UGT2B7: variants seen among roughly 807,000 people sequenced by gnomAD.
The protein encoded by UGT2B7 is UDP glucuronosyltransferase family 2 member B7, also known as UDP-glucuronosyltransferase 2B7.
A neutral mutation model predicts 51.9 loss-of-function variants in UGT2B7; 51 were observed. The ratio of observed to expected loss-of-function variants is 0.98; its 90% CI spans 0.78 to 1.24. The LOEUF (loss-of-function observed/expected upper bound fraction) is 1.24. Among genes scored for constraint, UGT2B7 ranks in the 50% most tolerant of loss-of-function variants. The pLI is 0.00. For missense variants in UGT2B7, 727 were observed against 628.4 expected (o/e 1.16, Z -1.68); for synonymous variants, 225 against 211.6 (o/e 1.06, Z -0.55).
At chr4:69,053,166 C>T (rs568147106) in intron 1 of UGT2B7, among the ~76,000 whole-genome samples, 7 of 152,088 alleles carry the variant, frequency 4.6e-5, no homozygotes, top group African/African-American at 1.2e-4. Flanking sequence ...AATATGTCTT[C>T]AAGGTTTTAT....
In UGT2B7 at chr4:69,098,576, C is replaced by T. The variant is rs189169793; in HGVS notation, c.758C>T (p.Ala253Val). 1 of 1,610,674 alleles carries T rather than the reference C, an allele frequency of 6.2e-7. No individual in the cohort carries two copies. The highest frequency in any genetic ancestry group is 1.3e-5 in the African/African-American group (1 of 74,598). Residue 253 changes from alanine (A) to valine (V), a missense_variant, in exon 2 of 6, where the codon GCT becomes GTT. Transcript: ENST00000305231. ...ACATTATCTGAGACAATGGGGAAAG[C>T]TGACGTATGGCTTATTCGAAACTCC... Reference protein sequence around the residue: ...PTTLSETMGKADVWLIRNSWN... With the variant: ...PTTLSETMGKVDVWLIRNSWN...
intron 5 of UGT2B7, among the ~76,000 whole-genome samples, chr4:69,109,205 A>ATTGC (rs1375510603): frequency 2.0e-5 from 3 of 152,122 alleles, no homozygotes; most frequent in Non-Finnish European, 4.4e-5. Flanking sequence ...TATTAGGAAG[A>ATTGC]TTGCTACACA....
intron 3 of UGT2B7, among the ~76,000 whole-genome samples, chr4:69,104,750 CT>C (rs1469108718): frequency 1.3e-5 from 2 of 152,174 alleles, no homozygotes; most frequent in Non-Finnish European, 2.9e-5. Context: ...TTAAGAATTC[CT>C]TAGGGCACTG....
At chr4:69,112,109 G>A (rs1218138013) in intron 5 of UGT2B7, among the ~76,000 whole-genome samples, 1 of 152,136 alleles carries the variant, frequency 6.6e-6, no homozygotes, top group Admixed American at 6.5e-5. Context: ...GTTAAAGATC[G>A]ACCCCTGACC....
intron 2 of UGT2B7, among the ~76,000 whole-genome samples, chr4:69,098,992 G>T (rs1442391647): frequency 1.3e-5 from 2 of 151,532 alleles, no homozygotes; most frequent in African/African-American, 4.8e-5. Flanking sequence ...ATTTACAAAG[G>T]GATTAGCACA....
At position 69,099,141 on chromosome 4, in the gene UGT2B7, G is replaced by A. The variant is rs7434332; in HGVS notation, c.870+453G>A. Among the ~76,000 whole-genome samples, 10 of 151,132 alleles carry A rather than the reference G, an allele frequency of 6.6e-5. 1 individual carries two copies. The highest frequency in any genetic ancestry group is 6.6e-4 in the Admixed American group (10 of 15,170). On this transcript the variant is annotated intron_variant, in intron 2 of 5. Coordinates refer to ENST00000305231, the MANE Select transcript of UGT2B7 (RefSeq NM_001074.4). ...AAAAACTATTATCTGAAGGAAAAAC[G>A]CAATACCAAGAAAGCATCAGTGGAG...
intron 1 of UGT2B7, among the ~76,000 whole-genome samples, chr4:69,072,277 C>T (rs1718618373): frequency 6.6e-6 from 1 of 152,090 alleles, no homozygotes; most frequent in African/African-American, 2.4e-5. Context: ...CACAGAAACT[C>T]TAAGTAGTCA....
intron 2 of UGT2B7, among the ~76,000 whole-genome samples, chr4:69,101,962 G>C (rs776366335): frequency 6.6e-6 from 1 of 152,134 alleles, no homozygotes; most frequent in Non-Finnish European, 1.5e-5. Context: ...ACAAAGTGAT[G>C]ATGAGAGTTC....
intron 1 of UGT2B7, among the ~76,000 whole-genome samples, chr4:69,079,301 CTTAA>C (rs1479973173): frequency 6.6e-6 from 1 of 152,106 alleles, no homozygotes; most frequent in Non-Finnish European, 1.5e-5. Context: ...CAAGTTGATT[CTTAA>C]TTAATTAAAG....
intron 1 of UGT2B7, among the ~76,000 whole-genome samples, chr4:69,056,538 C>T (rs1718204769): frequency 6.6e-6 from 1 of 152,196 alleles, no homozygotes; most frequent in African/African-American, 2.4e-5. Context: ...CATAACAAAA[C>T]TGGCACATGT....
At position 69,096,759 on chromosome 4, in the gene UGT2B7, C is replaced by A. The variant is rs373528265; in HGVS notation, c.239C>A (p.Ser80Tyr). 6.2e-7 allele frequency: 1 copy of A among 1,613,854 alleles called. No homozygotes were observed. The highest frequency in any genetic ancestry group is 8.5e-7 in the Non-Finnish European group (1 of 1,179,920). Residue 80 changes from serine to tyrosine, a missense_variant, in exon 1 of 6, where the codon TCT (serine) becomes TAT (tyrosine). Ser to Tyr is a moderately radical substitution (Grantham distance 144, BLOSUM62 -2). Transcript: ENST00000305231. Reference protein sequence around the residue: ...SALKIEIYPTSLTKTELENFI... With the variant: ...SALKIEIYPTYLTKTELENFI... ...CTTAAAATTGAAATTTATCCCACAT[C>A]TTTAACTAAAACTGAGTTGGAGAAT...
rs945679009 is a variant in UGT2B7, at chr4:69,054,841, T to A, written c.-159+3239T>A. 1.5e-4 allele frequency among the ~76,000 whole-genome samples: 23 copies of A among 152,216 alleles called. No homozygotes were observed. The Middle Eastern group carries it at 0.014, about 90-fold the overall frequency. ...GGACTTGTACATTAAGGACTTCAGC[T>A]GAACTTCCTCAGACTGAGGGCTGTT... is the stretch of plus-strand genomic sequence containing the variant. On this transcript the variant is annotated intron_variant, in intron 1 of 5. Transcript: ENST00000502942.
chr4:69,065,030 A>C (rs1362590445), intron 1 of UGT2B7, among the ~76,000 whole-genome samples: 1 of 152,192 alleles, frequency 6.6e-6, no homozygotes, highest in African/African-American at 2.4e-5. Flanking sequence ...TGCACTGTAC[A>C]CACTACAAAT....
chr4:69,066,132 C>T (rs919519287), intron 1 of UGT2B7, among the ~76,000 whole-genome samples: 1 of 152,110 alleles, frequency 6.6e-6, no homozygotes, highest in Non-Finnish European at 1.5e-5. Context: ...AACAGATATG[C>T]TATCATTTCA....
Position 69,072,202 on chromosome 4 carries a change from G to C in UGT2B7, c.-158-17270G>C, listed in dbSNP as rs184184978. Among the ~76,000 whole-genome samples the C allele has an allele frequency of 1.4e-3, 211 of 152,216 alleles. 1 individual carries two copies. The highest frequency in any genetic ancestry group is 4.9e-3 in the African/African-American group (203 of 41,566). On this transcript the variant is annotated intron_variant, in intron 1 of 5. Coordinates refer to the UGT2B7 transcript ENST00000502942. ...TTCCAAAAATTTCAATATTGTGCAT[G>C]TGTCTGTTTCTTTGAGATTGATTCT...
At chr4:69,087,288 A>C (rs1306135649) in intron 1 of UGT2B7, among the ~76,000 whole-genome samples, 1 of 152,030 alleles carries the variant, frequency 6.6e-6, no homozygotes, top group African/African-American at 2.4e-5. Flanking sequence ...AACTGGTGAC[A>C]ACTTTGAGCA....
intron 2 of UGT2B7, among the ~76,000 whole-genome samples, chr4:69,090,654 A>G (rs777501889): frequency 6.6e-6 from 1 of 152,102 alleles, no homozygotes; most frequent in African/African-American, 2.4e-5. Context: ...CTCCTACAAC[A>G]TGTGGGAATT....
At chr4:69,099,732 A>G (rs1392201781) in intron 2 of UGT2B7, among the ~76,000 whole-genome samples, 7 of 152,064 alleles carry the variant, frequency 4.6e-5, no homozygotes, top group Non-Finnish European at 1.5e-5. Context: ...TAATTTTGCA[A>G]TTATGGCTAT....
chr4:69,104,121 A>G (rs1328763532), intron 3 of UGT2B7, among the ~76,000 whole-genome samples: 1 of 152,110 alleles, frequency 6.6e-6, no homozygotes, highest in African/African-American at 2.4e-5. Flanking sequence ...ACCCGTCTCT[A>G]CTGAAAATAG....
Sources: allele counts gnomAD v4.1 joint callset (sites outside exome capture counted in the v4.1 genomes callset), GRCh38; gene constraint gnomAD v4.1.1; transcripts MANE v1.5; gene names NCBI Gene and HGNC (gene_info 2026-07-23, HGNC 2026-07-21).